DPY19L3: variants seen among roughly 807,000 people sequenced by gnomAD.
DPY19L3 encodes protein C-mannosyl-transferase DPY19L3.
In DPY19L3, 51 loss-of-function variants were observed where a neutral mutation model predicts 92.3. The ratio of observed to expected loss-of-function variants is 0.55; its 90% CI spans 0.44 to 0.70. DPY19L3 has a LOEUF of 0.70. DPY19L3 is among the 30% of genes least tolerant of loss of function. DPY19L3 has a pLI of 0.00. For missense variants in DPY19L3, 706 were observed against 855.9 expected, an observed-to-expected ratio of 0.82 and a Z score of 2.18; for synonymous variants, 309 against 315.2, an observed-to-expected ratio of 0.98 and a Z score of 0.21.
At chr19:32,444,040 A>G (rs921802660) in intron 8 of DPY19L3, among the ~76,000 whole-genome samples, 6 of 151,776 alleles carry the variant, frequency 4.0e-5, no homozygotes, top group Non-Finnish European at 5.9e-5. Context: ...GTCTCAAAAA[A>G]AAAAAAAAGA....
rs910551430 is a variant in DPY19L3 at position 32,480,309 on chromosome 19, G to C, written c.1831-90G>C. The C allele has an allele frequency of 4.5e-5, 65 of 1,438,346 alleles. 1 individual carries two copies. The East Asian group carries it at 1.1e-3, about 25-fold the overall frequency. 89.1% of individuals were successfully genotyped at this position (1,438,346 alleles called of 1,614,324 possible). On this transcript the variant is annotated intron_variant, in intron 17 of 18. Transcript: ENST00000392250. Reference sequence around the variant, plus strand: ...AGAGCACCTTGGGTGTTAGGTCTTAGACTCAGCCCTGTGGAAGGTTACATC... The same window carrying C: ...AGAGCACCTTGGGTGTTAGGTCTTACACTCAGCCCTGTGGAAGGTTACATC...
intron 17 of DPY19L3, among the ~76,000 whole-genome samples, chr19:32,479,314 G>T (rs532066798): frequency 6.6e-6 from 1 of 152,042 alleles, no homozygotes; most frequent in South Asian, 2.1e-4. Context: ...AGGTTCATCA[G>T]GGGTGGCCTC....
At chr19:32,413,012 A>G (rs374719979) in intron 3 of DPY19L3, 19 of 151,946 alleles carry the variant, frequency 1.3e-4, no homozygotes, top group African/African-American at 3.9e-4. Flanking sequence ...TCTCTTTTTC[A>G]ACATTTCTAG....
chr19:32,431,829 A>G lies in DPY19L3; in HGVS notation c.238-887A>G, dbSNP rs1447638897. On this transcript the variant is annotated intron_variant, in intron 3 of 18. Coordinates refer to ENST00000392250, the MANE Select transcript of DPY19L3 (RefSeq NM_001172774.2). ...CCATTGTTCCTGACTCTGAATTTAC[A>G]TGGTGCCTTTATAAGTAATCATTTT... 3.9e-5 allele frequency among the ~76,000 whole-genome samples: 6 copies of G among 152,220 alleles called. No individual in the cohort carries two copies. The South Asian group carries it at 6.2e-4, about 16-fold the overall frequency.
rs148244577 is a variant in DPY19L3 at position 32,463,388 on chromosome 19, G to A, written c.1345G>A (p.Val449Met). The A allele has an allele frequency of 1.0e-4, 162 of 1,613,592 alleles. No individual in the cohort carries two copies. In the African/African-American group the frequency reaches 1.6e-3, roughly 16 times the overall value. ...NLSDSTNQQSVGKMEKGTVDL... is the reference protein window; with the variant it reads ...NLSDSTNQQSMGKMEKGTVDL... ...CAGTGATTCTACAAATCAACAATCCGTGGGTAAAATGGAAAAAGGCACAGT... is the reference window on the plus strand; with the variant it reads ...CAGTGATTCTACAAATCAACAATCCATGGGTAAAATGGAAAAAGGCACAGT... The change falls in exon 13 of 19, where the codon GTG becomes ATG. Residue 449 changes from valine to methionine, a missense_variant. Coordinates refer to ENST00000392250, the MANE Select transcript of DPY19L3 (RefSeq NM_001172774.2).
At position 32,480,566 on chromosome 19, in the gene DPY19L3, G is replaced by A. The variant is rs754087898; in HGVS notation, c.1989+9G>A. 10 of 1,610,054 alleles carry A rather than the reference G, an allele frequency of 6.2e-6. No individual in the cohort carries two copies. The East Asian group carries it at 6.7e-5, about 11-fold the overall frequency. ...ACATTGCCAACGGCCACGTGAGCAT[G>A]CTGCCTCTCCCTGTGTGGGGGTCTC... On this transcript the variant is annotated intron_variant, in intron 18 of 18. Coordinates refer to ENST00000392250, the MANE Select transcript of DPY19L3 (RefSeq NM_001172774.2).
In DPY19L3 at chr19:32,482,372, T is replaced by G. The variant is rs891002199; in HGVS notation, c.*132T>G. ...GTGATATGAGTAAGTTCTACAGATG[T>G]TTACACAAGTGTTGCCATCTTTGAA... is the stretch of plus-strand genomic sequence containing the variant. On this transcript the variant is annotated 3_prime_UTR_variant, in exon 19 of 19. Coordinates refer to ENST00000392250, the MANE Select transcript of DPY19L3 (RefSeq NM_001172774.2). 5 of 1,029,210 alleles carry G rather than the reference T, an allele frequency of 4.9e-6. No homozygotes were observed. In the African/African-American group the frequency reaches 8.0e-5, roughly 17 times the overall value. 63.8% of individuals were successfully genotyped at this position (1,029,210 alleles called of 1,614,324 possible). A position where few individuals can be genotyped will look rare whatever the true frequency, so the allele number is the denominator to read the frequency against.
chr19:32,449,003 AAAG>A (rs1162799606), intron 8 of DPY19L3, among the ~76,000 whole-genome samples: 2 of 152,242 alleles, frequency 1.3e-5, no homozygotes, highest in African/African-American at 2.4e-5. Context: ...CTTGATATAA[AAAG>A]AACTGTAAAC....
At chr19:32,446,328 A>G (rs1371531525) in intron 8 of DPY19L3, among the ~76,000 whole-genome samples, 1 of 151,732 alleles carries the variant, frequency 6.6e-6, no homozygotes, top group Admixed American at 6.6e-5. Context: ...GGAAGCAGGA[A>G]TTAGAAGCAA....
chr19:32,453,356 A>G, intron 9 of DPY19L3, 80 bp downstream of exon 9: 1 of 1,391,362 alleles, frequency 7.2e-7, no homozygotes, highest in Non-Finnish European at 9.6e-7. Flanking sequence ...TTCACACAGC[A>G]TACAAAGGGA....
At chr19:32,426,823 TA>T (rs1968779876) in intron 3 of DPY19L3, among the ~76,000 whole-genome samples, 1 of 152,204 alleles carries the variant, frequency 6.6e-6, no homozygotes, top group Non-Finnish European at 1.5e-5. Flanking sequence ...AAGTGAGCAA[TA>T]GCTGTTGCAG....
intron 17 of DPY19L3, among the ~76,000 whole-genome samples, chr19:32,479,165 A>C (rs1052769946): frequency 1.3e-5 from 2 of 152,158 alleles, no homozygotes; most frequent in African/African-American, 4.8e-5. Context: ...GATTTTTACT[A>C]ATCTCCTGTC....
At position 32,447,766 on chromosome 19, in the gene DPY19L3, TAGATAGATA is replaced by T. The variant is rs1375708400; in HGVS notation, c.856-5378_856-5370del. On this transcript the variant is annotated intron_variant, in intron 8 of 18. Transcript: ENST00000392250. ...ATAGATAGATAGATAGATAGATAGATAGATAGATAGATTAGATAAGATACTCCATCTCAT... is the reference window on the plus strand; with the variant it reads ...ATAGATAGATAGATAGATAGATAGATGATTAGATAAGATACTCCATCTCAT... Among the ~76,000 whole-genome samples, 171 of 145,050 alleles carry T rather than the reference TAGATAGATA, an allele frequency of 1.2e-3. 1 individual carries two copies. Among genetic ancestry groups the T allele is most frequent in the South Asian group, 2.9e-3 (13 of 4,540 alleles).
At chr19:32,438,757 CAG>C (rs1269848171) in intron 6 of DPY19L3, among the ~76,000 whole-genome samples, 1 of 151,970 alleles carries the variant, frequency 6.6e-6, no homozygotes, top group Non-Finnish European at 1.5e-5. Flanking sequence ...CAAAGAAATA[CAG>C]AGAGAGGGAA....
intron 3 of DPY19L3, among the ~76,000 whole-genome samples, chr19:32,427,497 G>A (rs1193615378): frequency 1.3e-5 from 2 of 152,056 alleles, no homozygotes; most frequent in Admixed American, 6.6e-5. Context: ...TGATATTGCC[G>A]AATTTGCATG....
At chr19:32,422,662 G>A (rs971969202) in intron 3 of DPY19L3, among the ~76,000 whole-genome samples, 68 of 63,240 alleles carry the variant, frequency 1.1e-3, no homozygotes, top group Non-Finnish European at 1.7e-3. Context: ...ACACACACAC[G>A]TTTAAAGATG....
chr19:32,437,722 A>G (rs911640532), intron 6 of DPY19L3, among the ~76,000 whole-genome samples: 18 of 152,112 alleles, frequency 1.2e-4, no homozygotes, highest in African/African-American at 3.9e-4. Context: ...TACATATAGA[A>G]TGTATAGTGA....
At chr19:32,456,261 G>A (rs959183826) in intron 10 of DPY19L3, among the ~76,000 whole-genome samples, 3 of 151,776 alleles carry the variant, frequency 2.0e-5, no homozygotes, top group Admixed American at 2.0e-4. Context: ...TTTTTGTAGA[G>A]ACAAGGTTTT....
chr19:32,434,414 T>C (rs1969069749), intron 4 of DPY19L3, among the ~76,000 whole-genome samples: 1 of 152,150 alleles, frequency 6.6e-6, no homozygotes, highest in African/African-American at 2.4e-5. Flanking sequence ...CCCAGCACTT[T>C]GGGAGGCCGA....
Sources: allele counts gnomAD v4.1 joint callset (sites outside exome capture counted in the v4.1 genomes callset), GRCh38; gene constraint gnomAD v4.1.1; transcripts MANE v1.5; gene names NCBI Gene and HGNC (gene_info 2026-07-23, HGNC 2026-07-21).